CAPN9: variants seen among roughly 807,000 people sequenced by gnomAD.
The protein encoded by CAPN9 is calpain 9, also known as calpain-9.
Under a neutral mutation model 92.8 loss-of-function variants are expected in CAPN9, and 81 were observed. The ratio of observed to expected loss-of-function variants is 0.87; its 90% CI spans 0.73 to 1.05. The LOEUF (loss-of-function observed/expected upper bound fraction) is 1.05, where lower values mean the gene tolerates loss of function less well. Ranked by LOEUF, CAPN9 falls within the 50% of genes least tolerant of loss-of-function variation. CAPN9 has a pLI of 0.00. For missense variants in CAPN9, 848 were observed against 866.2 expected (o/e 0.98, Z 0.26); for synonymous variants, 304 against 328.0 (o/e 0.93, Z 0.79).
chr1:230,769,744 C>G (rs1666268007), intron 6 of CAPN9, among the ~76,000 whole-genome samples: 1 of 152,020 alleles, frequency 6.6e-6, no homozygotes, highest in African/African-American at 2.4e-5. Context: ...TTTCTTCCAT[C>G]TCTACCACCC....
At chr1:230,799,187 T>C (rs946038264) in intron 19 of CAPN9, among the ~76,000 whole-genome samples, 2 of 152,212 alleles carry the variant, frequency 1.3e-5, no homozygotes, top group African/African-American at 4.8e-5. Flanking sequence ...TTAGTAACTT[T>C]GGGTTTGGAT....
chr1:230,794,430 G>T (rs748588452), intron 17 of CAPN9, among the ~76,000 whole-genome samples: 1 of 151,996 alleles, frequency 6.6e-6, no homozygotes, highest in Non-Finnish European at 1.5e-5. Flanking sequence ...GCACTGAGCC[G>T]AGATTGCACC....
At chr1:230,757,810 G>A (rs1665351718) in intron 2 of CAPN9, among the ~76,000 whole-genome samples, 1 of 151,942 alleles carries the variant, frequency 6.6e-6, no homozygotes, top group South Asian at 2.1e-4. Context: ...AGCTGGGTGA[G>A]TGTGAGGGGA....
intron 16 of CAPN9, 22 bp from the exon 17 acceptor site, chr1:230,792,828 G>T: frequency 6.2e-7 from 1 of 1,607,058 alleles, no homozygotes; most frequent in South Asian, 1.1e-5. Context: ...CCTTCTCAAG[G>T]CTTCTGCTCT....
Position 230,795,350 on chromosome 1 carries a change from A to T in CAPN9, c.1987+71A>T. On this transcript the variant is annotated intron_variant, in intron 18 of 19. Transcript: ENST00000271971. ...CAGTCACCCTCCATGAGCGCATGAG[A>T]AACAGCCTGGTTAAAGTAATGGCAA... 3.4e-6 allele frequency: 3 copies of T among 889,262 alleles called. No individual in the cohort carries two copies. In the Admixed American group the frequency reaches 5.6e-5, roughly 16 times the overall value. The allele number at this position is 889,262 out of a possible 1,614,324, so 55.1% of individuals were successfully genotyped here.
intron 1 of CAPN9, 141 bp from the exon 2 acceptor site, chr1:230,755,196 C>T (rs1665144362): frequency 1.5e-6 from 1 of 652,626 alleles, no homozygotes; most frequent in Non-Finnish European, 2.7e-6. Context: ...CCTTTTACAT[C>T]CACGTGGCCC....
chr1:230,786,257 T>C, intron 12 of CAPN9: 1 of 606,472 alleles, frequency 1.6e-6, no homozygotes, highest in Non-Finnish European at 2.1e-6. Flanking sequence ...TTCTGTTCGA[T>C]GTCATCTTCC....
chr1:230,784,189 G>A (rs1572071333), intron 11 of CAPN9, among the ~76,000 whole-genome samples: 1 of 152,190 alleles, frequency 6.6e-6, no homozygotes, highest in South Asian at 2.1e-4. Context: ...ACATTTAAAA[G>A]GGAAGCAGGG....
intron 18 of CAPN9, among the ~76,000 whole-genome samples, chr1:230,797,032 T>C (rs771524406): frequency 3.3e-5 from 5 of 152,216 alleles, no homozygotes; most frequent in African/African-American, 1.2e-4. Flanking sequence ...TAGGTTCCCA[T>C]GCACTCCACA....
intron 8 of CAPN9, chr1:230,776,207 TC>T (rs1666760410): frequency 6.6e-6 from 1 of 152,128 alleles, no homozygotes; most frequent in Admixed American, 6.5e-5. Flanking sequence ...TCCTTCTCAC[TC>T]TGTCCTCACA....
At chr1:230,761,583 G>T (rs28359624) in intron 3 of CAPN9, among the ~76,000 whole-genome samples, 2 of 144,624 alleles carry the variant, frequency 1.4e-5, no homozygotes, top group South Asian at 4.3e-4. Context: ...GACACCCTCA[G>T]CCACATCGTG....
In CAPN9 at chr1:230,759,568, G is replaced by A. The variant is rs1347499598; in HGVS notation, c.340G>A (p.Ala114Thr). The A allele has an allele frequency of 6.2e-7, 1 of 1,611,486 alleles. No homozygotes were observed. Among genetic ancestry groups the A allele is most frequent in the Non-Finnish European group, 8.5e-7 (1 of 1,179,142 alleles). Residue 114 changes from alanine to threonine, a missense_variant, in exon 3 of 20, where the codon GCC becomes ACC. By Grantham distance (58) the Ala-to-Thr change is moderately conservative (BLOSUM62 0). Coordinates refer to ENST00000271971, the MANE Select transcript of CAPN9 (RefSeq NM_006615.3). ...CCTTACGCTTAATCAAAAAGCACTG[G>A]CCAGAGTCATCCCCCAGGACCAAAG... ...ASLTLNQKAL[A>T]RVIPQDQSFG... is the part of the protein sequence containing the mutation.
intron 1 of CAPN9, among the ~76,000 whole-genome samples, chr1:230,754,406 A>G (rs1241309196): frequency 1.2e-5 from 1 of 85,812 alleles, no homozygotes; most frequent in Admixed American, 1.1e-4. Context: ...TGTAATATAG[A>G]ATAATATATA....
Position 230,792,944 on chromosome 1 carries a change from G to T in CAPN9, c.1870+16G>T. 6.3e-7 allele frequency: 1 copy of T among 1,597,608 alleles called. No homozygotes were observed. The highest frequency in any genetic ancestry group is 1.1e-5 in the South Asian group (1 of 90,776). Reference sequence around the variant, plus strand: ...AAAGCTGCAGGTAAAGAAAAGACTGGAGTACAGGTGGCTGACTGCATGCCA... The same window carrying T: ...AAAGCTGCAGGTAAAGAAAAGACTGTAGTACAGGTGGCTGACTGCATGCCA... On this transcript the variant is annotated intron_variant, in intron 17 of 19. Transcript: ENST00000271971.
chr1:230,747,568 C>G lies in CAPN9; in HGVS notation c.72C>G (p.Ser24=). Residue 24 remains serine, a synonymous_variant, in exon 1 of 20, where the codon TCC becomes TCG. Transcript: ENST00000271971. The part of the protein sequence containing the change: ...PVPKDARITH[S]SGQSFEQMRQ... The stretch of plus-strand genomic sequence containing the variant: ...CCAAGGACGCCCGGATCACCCACTC[C>G]TCAGGCCAGAGCTTTGAGCAAATGA... 6.2e-7 allele frequency: 1 copy of G among 1,614,224 alleles called. No homozygotes were observed. Among genetic ancestry groups the G allele is most frequent in the South Asian group, 1.1e-5 (1 of 91,088 alleles).
At chr1:230,753,280 C>T (rs1404333018) in intron 1 of CAPN9, among the ~76,000 whole-genome samples, 2 of 152,180 alleles carry the variant, frequency 1.3e-5, no homozygotes, top group Non-Finnish European at 2.9e-5. Context: ...TTCTGCCGGG[C>T]CTGGGGTTTT....
At position 230,767,533 on chromosome 1, in the gene CAPN9, C is replaced by A; in HGVS notation, c.537-8C>A. On this transcript the variant is annotated splice_polypyrimidine_tract_variant and splice_region_variant and intron_variant, in intron 4 of 19. Transcript: ENST00000271971. ...GACTCTCTCCTCTCTCTCTTGCCACCCTTGCAGGCTAAATGGGAGCTATGA... is the reference window on the plus strand; with the variant it reads ...GACTCTCTCCTCTCTCTCTTGCCACACTTGCAGGCTAAATGGGAGCTATGA... The A allele has an allele frequency of 6.2e-7, 1 of 1,602,188 alleles. No homozygotes were observed. Among genetic ancestry groups the A allele is most frequent in the Non-Finnish European group, 8.5e-7 (1 of 1,174,890 alleles).
chr1:230,755,245 G>A, intron 1 of CAPN9, 92 bp from the exon 2 acceptor site: 1 of 1,010,362 alleles, frequency 9.9e-7, no homozygotes, highest in South Asian at 1.4e-5. Context: ...AAAGCCCTCT[G>A]CCCCAAGAAA....
Position 230,749,578 on chromosome 1 carries a change from C to T in CAPN9, c.213+1869C>T, listed in dbSNP as rs138326087. ...AGTTAGAGAAATTGATTTCCTGGGC[C>T]CCTGGTGAGCAGAGCCCCTGGCCAG... On this transcript the variant is annotated intron_variant, in intron 1 of 19. Transcript: ENST00000271971. 1.7e-3 allele frequency among the ~76,000 whole-genome samples: 252 copies of T among 152,266 alleles called. 1 individual carries two copies. Among genetic ancestry groups the T allele is most frequent in the African/African-American group, 6.0e-3 (248 of 41,564 alleles).
Sources: gnomAD v4.1 joint callset for allele counts (sites outside exome capture counted in the v4.1 genomes callset) on GRCh38, gnomAD v4.1.1 for gene constraint, MANE v1.5 for transcripts, NCBI Gene and HGNC (gene_info 2026-07-23, HGNC 2026-07-21) for gene names.